The following KLF8 variants were observed in gnomAD, a reference collection of about 807,000 sequenced individuals.
KLF8 encodes the protein Krueppel-like factor 8.
KLF8 carries 10 observed loss-of-function variants against 18.2 expected under a neutral mutation model. The observed-to-expected ratio is 0.55, with a 90% CI of 0.34 to 0.93. KLF8 has a LOEUF of 0.93. KLF8 is among the 40% of genes least tolerant of loss of function. The probability of loss-of-function intolerance (pLI) is 0.02; values close to 1 mark genes in which losing one functional copy is unlikely to be tolerated. For synonymous variants in KLF8, 109 were observed against 97.3 expected, an observed-to-expected ratio of 1.12 and a Z score of -0.71; for missense variants, 264 against 277.9, an observed-to-expected ratio of 0.95 and a Z score of 0.36.
the KLF8 span, among the ~76,000 whole-genome samples, chrX:56,007,112 A>G: frequency 8.9e-6 from 1 of 112,234 alleles, no homozygotes; most frequent in Non-Finnish European, 1.9e-5. Flanking sequence ...TGCATATTTT[A>G]GCTCCATATG....
At chrX:55,931,391 G>C in the KLF8 span, among the ~76,000 whole-genome samples, 1 of 111,306 alleles carries the variant, frequency 9.0e-6, no homozygotes, top group Non-Finnish European at 1.9e-5. Context: ...TCTGACCTTA[G>C]TTATTTCTTG....
chrX:56,178,626 T>A, the KLF8 span, among the ~76,000 whole-genome samples: 1 of 112,660 alleles, frequency 8.9e-6, no homozygotes, highest in African/African-American at 3.2e-5. Context: ...GTTCTAACTT[T>A]TAAGTCTTTA....
the KLF8 span, among the ~76,000 whole-genome samples, chrX:56,177,302 G>C: frequency 1.8e-5 from 2 of 110,776 alleles, no homozygotes; most frequent in African/African-American, 3.3e-5. Flanking sequence ...CTTTCTGCTT[G>C]TTAGTTTTAT....
chrX:56,046,524 G>A, the KLF8 span, among the ~76,000 whole-genome samples: 1 of 110,529 alleles, frequency 9.0e-6, no homozygotes, highest in African/African-American at 3.3e-5. Flanking sequence ...TATGCGTTAA[G>A]GAGGTTCTAT....
At chrX:56,270,347 A>AC in intron 5 of KLF8, 26 bp downstream of exon 5, 1 of 661,755 alleles carries the variant, frequency 1.5e-6, no homozygotes, top group Non-Finnish European at 2.0e-6. Context: ...TCTCACCCCC[A>AC]ACACACACAC....
the KLF8 span, among the ~76,000 whole-genome samples, chrX:56,116,316 A>G: frequency 1.8e-5 from 2 of 112,219 alleles, no homozygotes; most frequent in Non-Finnish European, 3.8e-5. Context: ...AGTATTTATG[A>G]GAGAGAAGGT....
the KLF8 span, among the ~76,000 whole-genome samples, chrX:56,036,855 G>C: frequency 9.0e-6 from 1 of 111,209 alleles, no homozygotes. Context: ...TTTTTTATGA[G>C]TGTTTTGTAA....
the KLF8 span, among the ~76,000 whole-genome samples, chrX:56,158,265 C>T: frequency 9.0e-6 from 1 of 111,719 alleles, no homozygotes; most frequent in Admixed American, 9.5e-5. Context: ...GTTTTGGTAC[C>T]AGTACCATGC....
At chrX:56,117,278 A>G in the KLF8 span, among the ~76,000 whole-genome samples, 1 of 112,167 alleles carries the variant, frequency 8.9e-6, no homozygotes, top group Admixed American at 9.4e-5. Flanking sequence ...CATGAACATT[A>G]GCATGCTCCT....
chrX:56,266,054 G>A (rs1250793683), intron 3 of KLF8: 4 of 797,595 alleles, frequency 5.0e-6, no homozygotes, highest in Non-Finnish European at 6.1e-6. Context: ...TGATTATCTT[G>A]TATTACAAAA....
chrX:56,128,838 G>T, the KLF8 span, among the ~76,000 whole-genome samples: 1 of 112,276 alleles, frequency 8.9e-6, no homozygotes, highest in Non-Finnish European at 1.9e-5. Context: ...AGTGTAGTTG[G>T]TGTGCAAATG....
At position 56,287,298 on chromosome X, in the gene KLF8, A is replaced by G. The variant is rs895021021; in HGVS notation, c.*2804A>G. 8.9e-6 allele frequency: 1 copy of G among 112,182 alleles called. No homozygotes were observed. Among genetic ancestry groups the G allele is most frequent in the Non-Finnish European group, 1.9e-5 (1 of 53,263 alleles). The allele number at this position is 112,182 out of a possible 1,213,427, so 9.2% of individuals were successfully genotyped here. ...ATAAAAGCTTTCCAATTACTTACAT[A>G]TGCTCTAACAAGTGTCTCAGGATTC... On this transcript the variant is annotated 3_prime_UTR_variant, in exon 6 of 6. Transcript: ENST00000468660.
intron 3 of KLF8, chrX:56,267,638 A>G (rs1283970720): frequency 9.0e-6 from 1 of 111,347 alleles, no homozygotes; most frequent in Non-Finnish European, 1.9e-5. Flanking sequence ...TTGGAGTGCA[A>G]GAAGAAAGTA....
the KLF8 span, among the ~76,000 whole-genome samples, chrX:56,030,048 G>C: frequency 8.9e-6 from 1 of 112,571 alleles, no homozygotes; most frequent in East Asian, 2.8e-4. Flanking sequence ...ATCATATGCT[G>C]ATTTTCAGGA....
the KLF8 span, among the ~76,000 whole-genome samples, chrX:56,023,838 T>C: frequency 8.9e-6 from 1 of 111,863 alleles, no homozygotes; most frequent in Non-Finnish European, 1.9e-5. Context: ...ATGTAAAGAA[T>C]GTCATTCTAT....
At chrX:56,051,266 A>C in the KLF8 span, among the ~76,000 whole-genome samples, 7 of 110,814 alleles carry the variant, frequency 6.3e-5, no homozygotes, top group African/African-American at 2.0e-4. Context: ...TAGTCCATTT[A>C]CATTTAAAGT....
chrX:55,971,608 A>G, the KLF8 span, among the ~76,000 whole-genome samples: 171 of 110,992 alleles, frequency 1.5e-3, no homozygotes, highest in African/African-American at 5.3e-3. Context: ...ACAATCAACG[A>G]AATGAAGAGA....
the KLF8 span, among the ~76,000 whole-genome samples, chrX:55,939,856 A>G: frequency 8.9e-6 from 1 of 111,980 alleles, no homozygotes; most frequent in Non-Finnish European, 1.9e-5. Context: ...TAGACCAATA[A>G]CAGGCTCTGA....
chrX:56,077,491 A>G, the KLF8 span, among the ~76,000 whole-genome samples: 1 of 111,692 alleles, frequency 9.0e-6, no homozygotes, highest in African/African-American at 3.3e-5. Flanking sequence ...ATTCTGTTCC[A>G]TTGATCTATA....
Sources: allele counts gnomAD v4.1 joint callset (sites outside exome capture counted in the v4.1 genomes callset), GRCh38; gene constraint gnomAD v4.1.1; transcripts MANE v1.5; gene names NCBI Gene and HGNC (gene_info 2026-07-23, HGNC 2026-07-21).